The following BACH1 variants were observed in gnomAD, a reference collection of about 807,000 sequenced individuals.
The protein encoded by BACH1 is BTB domain and CNC homolog 1, also known as transcription regulator protein BACH1.
BACH1 carries 35 observed loss-of-function variants against 52.9 expected under a neutral mutation model. That is an observed-to-expected ratio of 0.66 (90% CI 0.51 to 0.88). The LOEUF (loss-of-function observed/expected upper bound fraction) is 0.88. BACH1 is among the 40% of genes least tolerant of loss of function. The pLI is 0.00. For synonymous variants in BACH1, 321 were observed against 319.6 expected (o/e 1.00, Z -0.05); for missense variants, 808 against 872.6 (o/e 0.93, Z 0.93).
Position 29,326,826 on chromosome 21 carries a change from C to T in BACH1, c.1002C>T (p.Asp334=). The change falls in exon 3 of 5, where the codon GAC becomes GAT. Residue 334 remains aspartate, a synonymous_variant. Coordinates refer to ENST00000286800, the MANE Select transcript of BACH1 (RefSeq NM_001186.4). The part of the protein sequence containing the change: ...SLLHTYDQYG[D]LNFAGMQNTT... ...TACACACATATGACCAATATGGTGA[C>T]TTGAATTTTGCTGGTATGCAAAACA... 1 of 1,614,184 alleles carries T rather than the reference C, an allele frequency of 6.2e-7. No individual in the cohort carries two copies. Among genetic ancestry groups the T allele is most frequent in the Non-Finnish European group, 8.5e-7 (1 of 1,180,040 alleles).
At position 29,342,458 on chromosome 21, in the gene BACH1, G is replaced by C; in HGVS notation, c.1836G>C (p.Glu612Asp). The stretch of plus-strand genomic sequence containing the variant: ...ATCACATTTTGTCAACTCTGGGTGA[G>C]ACAAAGCAGAACCTAACTGGACTTT... ...ERDHILSTLG[E>D]TKQNLTGLCQ... The change falls in exon 5 of 5, where the codon GAG becomes GAC. Residue 612 changes from glutamate (E) to aspartate (D), a missense_variant. Transcript: ENST00000286800. The C allele has an allele frequency of 5.6e-6, 9 of 1,614,222 alleles. No homozygotes were observed. Among genetic ancestry groups the C allele is most frequent in the Non-Finnish European group, 7.6e-6 (9 of 1,180,038 alleles).
chr21:29,346,176 C>G (rs2089166613), downstream of BACH1: 1 of 152,142 alleles, frequency 6.6e-6, no homozygotes, highest in East Asian at 1.9e-4. Context: ...TTTTCATTTT[C>G]TCACTTCATG....
chr21:29,299,655 G>C (rs979359150), intron 1 of BACH1: 1 of 152,240 alleles, frequency 6.6e-6, no homozygotes, highest in Admixed American at 6.5e-5. Context: ...AATGTAACAC[G>C]AGTGCCGTTG....
intron 1 of BACH1, among the ~76,000 whole-genome samples, chr21:29,308,231 A>G (rs1040825065): frequency 6.6e-6 from 1 of 152,252 alleles, no homozygotes; most frequent in Admixed American, 6.5e-5. Context: ...CTCATTTTAG[A>G]AATGATTATT....
intron 2 of BACH1, among the ~76,000 whole-genome samples, chr21:29,325,217 G>A (rs2088896646): frequency 1.3e-5 from 2 of 151,998 alleles, no homozygotes; most frequent in Admixed American, 6.5e-5. Context: ...GCGACAGAGC[G>A]AGACTCCGTC....
At position 29,326,140 on chromosome 21, in the gene BACH1, G is replaced by A. The variant is rs1469231951; in HGVS notation, c.316G>A (p.Val106Met). ...TTTAAGTAAAGAGAATGTGGATGAA[G>A]TGTGCAAATGTGTGGAGTTTTTAAG... The part of the protein sequence containing the change: ...LILSKENVDE[V>M]CKCVEFLSVH... Residue 106 changes from valine to methionine, a missense_variant, in exon 3 of 5, where the codon GTG (valine) becomes ATG (methionine). By Grantham distance (21) the Val-to-Met change is conservative (BLOSUM62 1). Transcript: ENST00000286800. 1.2e-6 allele frequency: 2 copies of A among 1,614,138 alleles called. No homozygotes were observed. The highest frequency in any genetic ancestry group is 2.2e-5 in the East Asian group (1 of 44,882).
intron 1 of BACH1, among the ~76,000 whole-genome samples, chr21:29,306,425 A>G (rs1380737558): frequency 6.6e-6 from 1 of 150,888 alleles, no homozygotes; most frequent in Non-Finnish European, 1.5e-5. Flanking sequence ...AAAGCCTCAT[A>G]GCAGATGCTA....
At chr21:29,310,469 G>A (rs1438471375) in intron 1 of BACH1, among the ~76,000 whole-genome samples, 37 of 152,208 alleles carry the variant, frequency 2.4e-4, no homozygotes, top group Admixed American at 2.4e-3. Context: ...ATGCCTATTA[G>A]ACATACAGGT....
rs569706449 is a variant in BACH1, at chr21:29,345,740, G to A, written c.*2907G>A. ...CTTGGGAAAAAAATGGCAATGTTAC[G>A]GTGAATTCTCAGGTGAACTTTTTTC... is the stretch of plus-strand genomic sequence containing the variant. On this transcript the variant is annotated 3_prime_UTR_variant, in exon 5 of 5. Transcript: ENST00000286800. 1.3e-5 allele frequency: 2 copies of A among 152,598 alleles called. No individual in the cohort carries two copies. The highest frequency in any genetic ancestry group is 1.9e-4 in the East Asian group (1 of 5,178). 9.5% of individuals were successfully genotyped at this position (152,598 alleles called of 1,614,324 possible).
At chr21:29,338,631 A>C (rs1415852720) in intron 4 of BACH1, among the ~76,000 whole-genome samples, 2 of 152,300 alleles carry the variant, frequency 1.3e-5, no homozygotes, top group Admixed American at 1.3e-4. Context: ...GGCCTCCCAA[A>C]GTGCTGAGAT....
intron 4 of BACH1, among the ~76,000 whole-genome samples, chr21:29,333,174 C>T (rs1399581631): frequency 6.6e-6 from 1 of 152,260 alleles, no homozygotes; most frequent in East Asian, 1.9e-4. Flanking sequence ...AATAAGAAAG[C>T]TGGCCCGTCT....
chr21:29,360,209 C>CT (rs1409046572), intron 2 of BACH1, among the ~76,000 whole-genome samples: 4 of 152,180 alleles, frequency 2.6e-5, no homozygotes, highest in Non-Finnish European at 5.9e-5. Flanking sequence ...GCCCTGACCA[C>CT]TTGGGTACAT....
chr21:29,310,390 A>G (rs942924640), intron 1 of BACH1, among the ~76,000 whole-genome samples: 22 of 152,254 alleles, frequency 1.4e-4, no homozygotes, highest in African/African-American at 4.8e-4. Context: ...TTTTAATTAT[A>G]TATCCTAACA....
In BACH1 at chr21:29,329,571, C is replaced by G; in HGVS notation, c.1654C>G (p.Pro552Ala). The change falls in exon 4 of 5, where the codon CCA (proline) becomes GCA (alanine). Residue 552 changes from proline (P) to alanine (A), a missense_variant. Pro to Ala is a conservative substitution (Grantham distance 27). Coordinates refer to ENST00000286800, the MANE Select transcript of BACH1 (RefSeq NM_001186.4). ...CTTGTTGAAAATGCACAAGCTTACTCCAGAACAGCTGGATTGTATCCATGA... is the reference window on the plus strand; with the variant it reads ...CTTGTTGAAAATGCACAAGCTTACTGCAGAACAGCTGGATTGTATCCATGA... Reference protein sequence around the residue: ...QSLLKMHKLTPEQLDCIHDIR... With the variant: ...QSLLKMHKLTAEQLDCIHDIR... 1 of 1,606,788 alleles carries G rather than the reference C, an allele frequency of 6.2e-7. No homozygotes were observed. The highest frequency in any genetic ancestry group is 1.1e-5 in the South Asian group (1 of 89,214).
At chr21:29,330,792 T>G (rs1291458721) in intron 4 of BACH1, among the ~76,000 whole-genome samples, 2 of 152,132 alleles carry the variant, frequency 1.3e-5, no homozygotes, top group Non-Finnish European at 2.9e-5. Flanking sequence ...GGAAAAAAAT[T>G]GTGCCTCCAG....
chr21:29,347,074 T>A (rs1021507667), downstream of BACH1, among the ~76,000 whole-genome samples: 1 of 152,224 alleles, frequency 6.6e-6, no homozygotes, highest in East Asian at 1.9e-4. Flanking sequence ...AACAGAAGTA[T>A]AGGTAGTAGG....
At chr21:29,337,546 T>C (rs1028167527) in intron 4 of BACH1, among the ~76,000 whole-genome samples, 2 of 152,222 alleles carry the variant, frequency 1.3e-5, no homozygotes, top group Admixed American at 1.3e-4. Flanking sequence ...TAGTGTATTG[T>C]TTCCTTTATA....
At chr21:29,330,275 C>T (rs914884741) in intron 4 of BACH1, among the ~76,000 whole-genome samples, 2 of 152,190 alleles carry the variant, frequency 1.3e-5, no homozygotes, top group Non-Finnish European at 2.9e-5. Context: ...TGCCATTCTC[C>T]TGCCTCAGCC....
At chr21:29,315,823 A>C (rs1034970062) in intron 1 of BACH1, among the ~76,000 whole-genome samples, 1 of 152,176 alleles carries the variant, frequency 6.6e-6, no homozygotes, top group Non-Finnish European at 1.5e-5. Context: ...TACTTGAGGC[A>C]TCATTCTCAT....
Sources: allele counts gnomAD v4.1 joint callset (sites outside exome capture counted in the v4.1 genomes callset), GRCh38; gene constraint gnomAD v4.1.1; transcripts MANE v1.5; gene names NCBI Gene and HGNC (gene_info 2026-07-23, HGNC 2026-07-21).